Variants in MAPK14 observed in about 807,000 individuals in gnomAD.
MAPK14 encodes the protein mitogen-activated protein kinase 14.
MAPK14 carries 16 observed loss-of-function variants against 49.6 expected under a neutral mutation model. That is an observed-to-expected ratio of 0.32 (90% CI 0.22 to 0.49). The LOEUF is 0.49. Among genes scored for constraint, MAPK14 ranks in the 20% least tolerant of loss-of-function variants. The pLI is 0.99. For missense variants in MAPK14, 200 were observed against 441.2 expected, an observed-to-expected ratio of 0.45 and a Z score of 4.90; for synonymous variants, 142 against 158.0, an observed-to-expected ratio of 0.90 and a Z score of 0.76.
intron 1 of MAPK14, among the ~76,000 whole-genome samples, chr6:36,031,646 C>G (rs967205652): frequency 6.6e-6 from 1 of 152,144 alleles, no homozygotes; most frequent in African/African-American, 2.4e-5. Flanking sequence ...CTCAGGTGAT[C>G]CACTTGCCTT....
At chr6:36,042,171 A>G (rs140254180) in intron 1 of MAPK14, among the ~76,000 whole-genome samples, 5 of 152,266 alleles carry the variant, frequency 3.3e-5, no homozygotes, top group African/African-American at 1.2e-4. Flanking sequence ...TTTTAAACAT[A>G]CCTCTGGAAA....
At chr6:36,064,274 C>CCA (rs1763953102) in intron 3 of MAPK14, among the ~76,000 whole-genome samples, 2 of 119,464 alleles carry the variant, frequency 1.7e-5, no homozygotes, top group South Asian at 3.5e-4. Flanking sequence ...CACCATGCCC[C>CCA]CCCCCACCCC....
chr6:36,036,041 T>G (rs950915243), intron 1 of MAPK14, among the ~76,000 whole-genome samples: 1 of 152,048 alleles, frequency 6.6e-6, no homozygotes, highest in Non-Finnish European at 1.5e-5. Flanking sequence ...CTGGCCAACA[T>G]GGCGAAACTC....
At position 36,107,760 on chromosome 6, in the gene MAPK14, C is replaced by T; in HGVS notation, c.1015+132C>T. The T allele has an allele frequency of 1.8e-6, 1 of 551,788 alleles. No homozygotes were observed. 34.2% of individuals were successfully genotyped at this position (551,788 alleles called of 1,614,324 possible). On this transcript the variant is annotated intron_variant, in intron 11 of 11. Transcript: ENST00000229794. The surrounding 1 kb of genome is among the most constrained non-coding windows in gnomAD (Gnocchi z 4.3). ...CTCTAATGCAGAATGAATATGTTCT[C>T]TGGTGGAAACTGTTGTAGACAGTGA...
At chr6:36,094,228 G>T (rs986509930) in intron 8 of MAPK14, among the ~76,000 whole-genome samples, 6 of 152,152 alleles carry the variant, frequency 3.9e-5, no homozygotes, top group African/African-American at 1.4e-4. Context: ...TAGAAATAAT[G>T]TGAGTGGACT....
intron 8 of MAPK14, among the ~76,000 whole-genome samples, chr6:36,089,303 A>C (rs1053531273): frequency 6.6e-6 from 1 of 152,150 alleles, no homozygotes; most frequent in African/African-American, 2.4e-5. Context: ...CAAACACCAC[A>C]TGTTCTCACA....
intron 1 of MAPK14, among the ~76,000 whole-genome samples, chr6:36,039,119 G>A (rs2127400126): frequency 6.6e-6 from 1 of 152,192 alleles, no homozygotes. Context: ...TAGATTGAAA[G>A]ATTATCTACA....
chr6:36,068,913 T>C (rs1358791547), intron 3 of MAPK14, among the ~76,000 whole-genome samples: 1 of 152,184 alleles, frequency 6.6e-6, no homozygotes, highest in African/African-American at 2.4e-5. Context: ...GTGCTCTCTA[T>C]ACTTTGATTA....
chr6:36,030,280 A>G (rs1762487693), intron 1 of MAPK14, among the ~76,000 whole-genome samples: 1 of 152,220 alleles, frequency 6.6e-6, no homozygotes, highest in African/African-American at 2.4e-5. Context: ...CTTTAGTGGT[A>G]TACTTTTCTG....
chr6:36,079,430 G>C, intron 8 of MAPK14, among the ~76,000 whole-genome samples: 1 of 151,886 alleles, frequency 6.6e-6, no homozygotes. Flanking sequence ...GGCTTCCCTG[G>C]GCCACATTGG....
downstream of MAPK14, among the ~76,000 whole-genome samples, chr6:36,115,838 A>C (rs1766050831): frequency 6.6e-6 from 1 of 151,706 alleles, no homozygotes; most frequent in African/African-American, 2.4e-5. Context: ...TGAGGCGGGA[A>C]AATTGCTTGA....
At chr6:36,093,346 C>T (rs1266021271) in intron 8 of MAPK14, among the ~76,000 whole-genome samples, 1 of 152,046 alleles carries the variant, frequency 6.6e-6, no homozygotes, top group Non-Finnish European at 1.5e-5. Context: ...ATTGCGTATT[C>T]TTCAGGTAGG....
chr6:36,078,913 C>T (rs1764635612), intron 8 of MAPK14, among the ~76,000 whole-genome samples: 1 of 152,200 alleles, frequency 6.6e-6, no homozygotes, highest in Admixed American at 6.5e-5. Flanking sequence ...TCTTAACCCT[C>T]ATAGTGTGTC....
rs1430268763 is a variant in MAPK14, at chr6:36,109,341, C to G, written c.*894C>G. ...AGCAGGTTCTTGATGTCATGTACTT[C>G]CTGTGTACTCTTTATTTCTAGCAGA... On this transcript the variant is annotated 3_prime_UTR_variant, in exon 12 of 12. Transcript: ENST00000229794. The G allele has an allele frequency of 1.3e-5, 2 of 152,628 alleles. No homozygotes were observed. Among genetic ancestry groups the G allele is most frequent in the Non-Finnish European group, 2.9e-5 (2 of 68,066 alleles). The allele number at this position is 152,628 out of a possible 1,614,324, so 9.5% of individuals were successfully genotyped here.
rs1436346146 is a variant in MAPK14, at chr6:36,111,000, G to T, written c.*2553G>T. 3 of 152,168 alleles carry T rather than the reference G, an allele frequency of 2.0e-5. No individual in the cohort carries two copies. The highest frequency in any genetic ancestry group is 7.2e-5 in the African/African-American group (3 of 41,440). The allele number at this position is 152,168 out of a possible 1,614,324, so 9.4% of individuals were successfully genotyped here. The stretch of plus-strand genomic sequence containing the variant: ...AAATGAACGAAGTATTAAGCATTGG[G>T]GCCTGTCTTATCTACACTCGAGTGT... On this transcript the variant is annotated 3_prime_UTR_variant, in exon 12 of 12. Coordinates refer to ENST00000229794, the MANE Select transcript of MAPK14 (RefSeq NM_139012.3).
At chr6:36,060,329 G>A (rs532874900) in intron 3 of MAPK14, among the ~76,000 whole-genome samples, 215 of 152,234 alleles carry the variant, frequency 1.4e-3, no homozygotes, top group African/African-American at 4.3e-3. Flanking sequence ...TCCAGCAAGT[G>A]TTCCCATGTA....
intron 8 of MAPK14, 29 bp from the exon 9 acceptor site, chr6:36,095,958 C>T: frequency 7.4e-7 from 1 of 1,349,168 alleles, no homozygotes; most frequent in Non-Finnish European, 1.1e-6. Context: ...TATTTTGTCC[C>T]AACATTTTCC....
Position 36,108,777 on chromosome 6 carries a change from T to TA in MAPK14, c.*337dup. On this transcript the variant is annotated 3_prime_UTR_variant, in exon 12 of 12. Coordinates refer to ENST00000229794, the MANE Select transcript of MAPK14 (RefSeq NM_139012.3). Reference sequence around the variant, plus strand: ...TTTTAGGAATATGTTCAATGCAAAGTAAAAAAATATGAATTGTCCCCAATC... The same window carrying TA: ...TTTTAGGAATATGTTCAATGCAAAGTAAAAAAAATATGAATTGTCCCCAATC... 1 of 282,240 alleles carries TA rather than the reference T, an allele frequency of 3.5e-6. No homozygotes were observed. The highest frequency in any genetic ancestry group is 4.8e-5 in the Admixed American group (1 of 20,758). The allele number at this position is 282,240 out of a possible 1,614,324, so 17.5% of individuals were successfully genotyped here.
intron 8 of MAPK14, among the ~76,000 whole-genome samples, chr6:36,084,307 G>A (rs1100860): frequency 0.89 from 135,114 of 152,240 alleles, 60,107 homozygotes; most frequent in East Asian, 1. Context: ...AATGATCACA[G>A]CACCTCTCTG....
Sources: allele counts gnomAD v4.1 joint callset (sites outside exome capture counted in the v4.1 genomes callset), GRCh38; gene constraint gnomAD v4.1.1; non-coding constraint Gnocchi (gnomAD v3.1); transcripts MANE v1.5; gene names NCBI Gene and HGNC (gene_info 2026-07-23, HGNC 2026-07-21).